Variants in L2HGDH observed in about 807,000 individuals in gnomAD.
The protein encoded by L2HGDH is L-2-hydroxyglutarate dehydrogenase, mitochondrial.
L2HGDH carries 34 observed loss-of-function variants against 51.5 expected under a neutral mutation model. That is an observed-to-expected ratio of 0.66 (90% confidence interval 0.50 to 0.88). The LOEUF (loss-of-function observed/expected upper bound fraction) is 0.88, where lower values mean the gene tolerates loss of function less well. Ranked by LOEUF, L2HGDH falls within the 40% of genes least tolerant of loss-of-function variation. The pLI, the probability that L2HGDH is intolerant of heterozygous loss-of-function variation, is 0.00. For synonymous variants in L2HGDH, 198 were observed against 197.9 expected, an observed-to-expected ratio of 1.00 and a Z score of -0.01; for missense variants, 558 against 571.9, an observed-to-expected ratio of 0.98 and a Z score of 0.25.
rs1232781421 is a variant in L2HGDH at position 50,250,258 on chromosome 14, A to G, written c.1197-3005T>C. The stretch of plus-strand genomic sequence containing the variant: ...ACTACCCTGGGCCAGAGGGGAGCCC[A>G]CTGCCCTGAAGGGTAAGTCCCAGGC... On this transcript the variant is annotated intron_variant, in intron 9 of 9. Coordinates refer to ENST00000267436, the MANE Select transcript of L2HGDH (RefSeq NM_024884.3). Among the ~76,000 whole-genome samples, 5 of 152,188 alleles carry G rather than the reference A, an allele frequency of 3.3e-5. No homozygotes were observed. In the East Asian group the frequency reaches 9.7e-4, roughly 29 times the overall value.
rs1012717346 is a variant in L2HGDH at position 50,244,879 on chromosome 14, TGA to T, written c.*2177_*2178del. On this transcript the variant is annotated 3_prime_UTR_variant, in exon 10 of 10. Transcript: ENST00000267436. Reference sequence around the variant, plus strand: ...GACATACACAGTAGAAGATGAATCCTGAGAGAGCAAATCAGAGAGAATGGATG... The same window carrying T: ...GACATACACAGTAGAAGATGAATCCTGAGAGCAAATCAGAGAGAATGGATG... The T allele has an allele frequency of 5.8e-5, 57 of 985,464 alleles. 2 individuals are homozygous for T. In the African/African-American group the frequency reaches 9.8e-4, roughly 17 times the overall value. The allele number at this position is 985,464 out of a possible 1,614,324, so 61.0% of individuals were successfully genotyped here.
intron 4 of L2HGDH, among the ~76,000 whole-genome samples, chr14:50,290,758 G>T (rs961251845): frequency 6.6e-6 from 1 of 151,938 alleles, no homozygotes; most frequent in South Asian, 2.1e-4. Context: ...CCGCCTCCCG[G>T]GTTCAAGCAA....
chr14:50,262,527 T>A (rs553482880), intron 9 of L2HGDH, among the ~76,000 whole-genome samples: 1 of 152,188 alleles, frequency 6.6e-6, no homozygotes, highest in South Asian at 2.1e-4. Flanking sequence ...CCCATTTTTT[T>A]ATCTAACAGC....
In L2HGDH at chr14:50,262,323, G is replaced by A. The variant is rs937346356; in HGVS notation, c.1196+3035C>T. On this transcript the variant is annotated intron_variant, in intron 9 of 9. Coordinates refer to ENST00000267436, the MANE Select transcript of L2HGDH (RefSeq NM_024884.3). Reference sequence around the variant, plus strand: ...CACGTGCCTGTAATCCCAGCTACTCGGGAGGCTGAGGCAGGAGAATCGCCT... The same window carrying A: ...CACGTGCCTGTAATCCCAGCTACTCAGGAGGCTGAGGCAGGAGAATCGCCT... 3.3e-5 allele frequency among the ~76,000 whole-genome samples: 5 copies of A among 151,662 alleles called. No homozygotes were observed. The South Asian group carries it at 6.3e-4, about 19-fold the overall frequency.
At chr14:50,281,650 G>A (rs998517869) in intron 5 of L2HGDH, among the ~76,000 whole-genome samples, 1 of 151,928 alleles carries the variant, frequency 6.6e-6, no homozygotes, top group African/African-American at 2.4e-5. Context: ...ATAAAATTCT[G>A]GTTTTATAGG....
In L2HGDH at chr14:50,303,759, G is replaced by A. The variant is rs571198356; in HGVS notation, c.141-742C>T. On this transcript the variant is annotated intron_variant, in intron 1 of 9. Coordinates refer to ENST00000267436, the MANE Select transcript of L2HGDH (RefSeq NM_024884.3). Reference sequence around the variant, plus strand: ...GCCACTGCACTCCAGTCCAGCCTGGGAGACAGCGCCAGACCCTGTCTCAAA... The same window carrying A: ...GCCACTGCACTCCAGTCCAGCCTGGAAGACAGCGCCAGACCCTGTCTCAAA... Among the ~76,000 whole-genome samples, 7 of 143,368 alleles carry A rather than the reference G, an allele frequency of 4.9e-5. No individual in the cohort carries two copies. In the South Asian group the frequency reaches 1.3e-3, roughly 27 times the overall value. The allele number at this position is 143,368 out of a possible 152,430, so 94.1% of individuals were successfully genotyped here.
chr14:50,275,813 G>A (rs1257993394), intron 6 of L2HGDH, among the ~76,000 whole-genome samples: 1 of 152,180 alleles, frequency 6.6e-6, no homozygotes, highest in African/African-American at 2.4e-5. Flanking sequence ...AATGAGAGTG[G>A]TTCCTTACTA....
chr14:50,284,847 G>T (rs6572655), intron 4 of L2HGDH, among the ~76,000 whole-genome samples: 87,921 of 151,916 alleles, frequency 0.58, 25,481 homozygotes, highest in East Asian at 0.66. Context: ...TTATTGTTGT[G>T]GTGGTTTTAA....
intron 9 of L2HGDH, among the ~76,000 whole-genome samples, chr14:50,252,082 C>T (rs530554464): frequency 6.8e-6 from 1 of 146,240 alleles, no homozygotes; most frequent in Admixed American, 6.8e-5. Flanking sequence ...ACAGACAGTA[C>T]AATAAGATAT....
rs538579174 is a variant in L2HGDH at position 50,245,213 on chromosome 14, T to C, written c.*1845A>G. ...GAAAAATCAAGTACGTATGAATCAT[T>C]ACCAATCTTGGCCAACATTTTGAGA... On this transcript the variant is annotated 3_prime_UTR_variant, in exon 10 of 10. Transcript: ENST00000267436. 1 of 985,266 alleles carries C rather than the reference T, an allele frequency of 1.0e-6. No individual in the cohort carries two copies. Among genetic ancestry groups the C allele is most frequent in the Admixed American group, 6.1e-5 (1 of 16,286 alleles). 61.0% of individuals were successfully genotyped at this position (985,266 alleles called of 1,614,324 possible).
chr14:50,270,719 G>T (rs1889629360), intron 6 of L2HGDH, among the ~76,000 whole-genome samples: 2 of 151,792 alleles, frequency 1.3e-5, no homozygotes, highest in Admixed American at 6.6e-5. Context: ...TGTTAGCCAG[G>T]ATGGTCTCGA....
chr14:50,273,329 C>T (rs17406958), intron 6 of L2HGDH, among the ~76,000 whole-genome samples: 1,605 of 152,230 alleles, frequency 0.011, 21 homozygotes, highest in South Asian at 0.034. Context: ...CTTTACCTGA[C>T]GGCATCATGA....
At position 50,244,188 on chromosome 14, in the gene L2HGDH, G is replaced by T. The variant is rs1566496410; in HGVS notation, c.*2870C>A. ...AGCAGCATGATTTATAGTCCCTTGG[G>T]TATATACCCAGTAATGGGATGGCTG... is the stretch of plus-strand genomic sequence containing the variant. On this transcript the variant is annotated 3_prime_UTR_variant, in exon 10 of 10. Coordinates refer to ENST00000267436, the MANE Select transcript of L2HGDH (RefSeq NM_024884.3). 6.4e-6 allele frequency: 1 copy of T among 155,898 alleles called. No individual in the cohort carries two copies. The highest frequency in any genetic ancestry group is 2.4e-5 in the African/African-American group (1 of 41,456). 9.7% of individuals were successfully genotyped at this position (155,898 alleles called of 1,614,324 possible). A position where few individuals can be genotyped will look rare whatever the true frequency, so the allele number is the denominator to read the frequency against.
At chr14:50,260,467 C>T (rs1158672032) in intron 9 of L2HGDH, among the ~76,000 whole-genome samples, 1 of 152,180 alleles carries the variant, frequency 6.6e-6, no homozygotes, top group East Asian at 1.9e-4. Context: ...TTGAGTCACA[C>T]ATAAATTACA....
chr14:50,289,139 A>G (rs111937527), intron 4 of L2HGDH, among the ~76,000 whole-genome samples: 1,585 of 152,264 alleles, frequency 0.01, 22 homozygotes, highest in South Asian at 0.034. Context: ...TAATTTTAAT[A>G]CTAGCATTTT....
At chr14:50,309,363 G>A (rs2030917079) in intron 1 of L2HGDH, among the ~76,000 whole-genome samples, 1 of 152,148 alleles carries the variant, frequency 6.6e-6, no homozygotes, top group Non-Finnish European at 1.5e-5. Context: ...AGGAGTTTGA[G>A]ACCAGCCTGG....
intron 1 of L2HGDH, among the ~76,000 whole-genome samples, chr14:50,308,410 G>T (rs2030859246): frequency 6.9e-6 from 1 of 145,402 alleles, no homozygotes; most frequent in Non-Finnish European, 1.5e-5. Context: ...AAAAAAAAGT[G>T]GGCAAAAGAT....
At chr14:50,277,370 T>C (rs537826307) in intron 6 of L2HGDH, among the ~76,000 whole-genome samples, 13 of 152,194 alleles carry the variant, frequency 8.5e-5, no homozygotes, top group Admixed American at 7.9e-4. Flanking sequence ...AAGGGTGGAC[T>C]GTAGGGGTTT....
At chr14:50,280,585 G>C (rs1268621204) in intron 5 of L2HGDH, among the ~76,000 whole-genome samples, 2 of 152,160 alleles carry the variant, frequency 1.3e-5, no homozygotes, top group African/African-American at 4.8e-5. Context: ...GCCATTTAGA[G>C]ATACAGAACC....
Sources: gnomAD v4.1 joint callset for allele counts (sites outside exome capture counted in the v4.1 genomes callset) on GRCh38, gnomAD v4.1.1 for gene constraint, MANE v1.5 for transcripts, NCBI Gene and HGNC (gene_info 2026-07-23, HGNC 2026-07-21) for gene names.